Variants in GRXCR2 observed in about 807,000 individuals in gnomAD.
GRXCR2 encodes the protein glutaredoxin and cysteine rich domain containing 2.
A neutral mutation model predicts 24.8 loss-of-function variants in GRXCR2; 23 were observed. The observed-to-expected ratio is 0.93, with a 90% CI of 0.67 to 1.32. The LOEUF (loss-of-function observed/expected upper bound fraction) is 1.32. Ranked by LOEUF, GRXCR2 falls within the 40% of genes most tolerant of loss-of-function variation. The pLI is 0.00. For missense variants in GRXCR2, 315 were observed against 303.4 expected, an observed-to-expected ratio of 1.04 and a Z score of -0.28; for synonymous variants, 130 against 116.1, an observed-to-expected ratio of 1.12 and a Z score of -0.77.
intron 2 of GRXCR2, among the ~76,000 whole-genome samples, chr5:145,880,925 A>C (rs1245672542): frequency 3.3e-5 from 5 of 152,224 alleles, no homozygotes; most frequent in Non-Finnish European, 7.3e-5. Context: ...CCAATGACAA[A>C]AGATACATGA....
chr5:145,865,848 T>C (rs917694094), intron 2 of GRXCR2, among the ~76,000 whole-genome samples: 2 of 152,014 alleles, frequency 1.3e-5, no homozygotes, highest in African/African-American at 4.8e-5. Flanking sequence ...TAAGAAAAGA[T>C]AGGGCCAGGC....
intron 2 of GRXCR2, among the ~76,000 whole-genome samples, chr5:145,928,394 C>T (rs1282819806): frequency 1.3e-5 from 2 of 152,072 alleles, no homozygotes; most frequent in Non-Finnish European, 1.5e-5. Context: ...CCAGCAATCC[C>T]ATTACTGGGT....
chr5:145,876,204 TATATATATATATACAC>T (rs938616359), upstream of GRXCR2, among the ~76,000 whole-genome samples: 5 of 141,314 alleles, frequency 3.5e-5, no homozygotes, highest in African/African-American at 1.0e-4. Flanking sequence ...TATATATATA[TATATATATATATACAC>T]ACACACACAC....
At chr5:145,890,224 G>A (rs1756845076) in intron 2 of GRXCR2, among the ~76,000 whole-genome samples, 1 of 152,058 alleles carries the variant, frequency 6.6e-6, no homozygotes, top group African/African-American at 2.4e-5. Flanking sequence ...TGAATACCTG[G>A]GATTACAGGC....
chr5:145,873,943 G>C (rs1756572657), upstream of GRXCR2, among the ~76,000 whole-genome samples: 1 of 152,252 alleles, frequency 6.6e-6, no homozygotes, highest in African/African-American at 2.4e-5. Flanking sequence ...TGCTTAGAGA[G>C]CAAACTGCCC....
chr5:145,893,021 C>G (rs1301256161), intron 2 of GRXCR2, among the ~76,000 whole-genome samples: 2 of 152,138 alleles, frequency 1.3e-5, no homozygotes, highest in East Asian at 1.9e-4. Context: ...AATTTCATAT[C>G]CAGCCAAACT....
At chr5:145,905,650 T>A (rs1332164125) in intron 2 of GRXCR2, among the ~76,000 whole-genome samples, 1 of 152,148 alleles carries the variant, frequency 6.6e-6, no homozygotes, top group South Asian at 2.1e-4. Context: ...GAATAAATAA[T>A]TCCGAGTTGC....
chr5:145,904,525 T>A lies in GRXCR2; in HGVS notation c.-70+31176A>T, dbSNP rs945780536. ...CCTTCCTGCAGCCTGGACTTGGCTCTGGAGCCACCAGTTTTATTTGTCACA... is the reference window on the plus strand; with the variant it reads ...CCTTCCTGCAGCCTGGACTTGGCTCAGGAGCCACCAGTTTTATTTGTCACA... On this transcript the variant is annotated intron_variant, in intron 2 of 3. Coordinates refer to the GRXCR2 transcript ENST00000639411. Among the ~76,000 whole-genome samples the A allele has an allele frequency of 3.9e-5, 6 of 152,340 alleles. 1 individual carries two copies. Among genetic ancestry groups the A allele is most frequent in the African/African-American group, 1.4e-4 (6 of 41,588 alleles).
intron 2 of GRXCR2, among the ~76,000 whole-genome samples, chr5:145,923,085 C>T (rs1450375181): frequency 6.6e-6 from 1 of 152,260 alleles, no homozygotes; most frequent in Non-Finnish European, 1.5e-5. Flanking sequence ...TTTTAGAATG[C>T]ATCAGAATCA....
chr5:145,867,198 C>T (rs562262016), intron 1 of GRXCR2, among the ~76,000 whole-genome samples: 2 of 152,234 alleles, frequency 1.3e-5, no homozygotes, highest in Non-Finnish European at 2.9e-5. Context: ...CCAACATTGC[C>T]TCAGTTTCTC....
chr5:145,865,570 G>A (rs1280222380), intron 2 of GRXCR2, among the ~76,000 whole-genome samples: 2 of 152,126 alleles, frequency 1.3e-5, no homozygotes, highest in Non-Finnish European at 2.9e-5. Context: ...ATTAGGTCAG[G>A]CAGTCACTAG....
chr5:145,889,832 C>G (rs1190983694), intron 2 of GRXCR2, among the ~76,000 whole-genome samples: 1 of 152,098 alleles, frequency 6.6e-6, no homozygotes, highest in East Asian at 1.9e-4. Context: ...ACTTCCAAAG[C>G]AGTCCAGAAA....
chr5:145,889,579 C>A (rs1756832481), intron 2 of GRXCR2, among the ~76,000 whole-genome samples: 1 of 152,154 alleles, frequency 6.6e-6, no homozygotes, highest in Admixed American at 6.5e-5. Flanking sequence ...AAAAATCTAC[C>A]CATAGAAAAA....
intron 2 of GRXCR2, among the ~76,000 whole-genome samples, chr5:145,879,245 T>A (rs1320083471): frequency 1.3e-5 from 2 of 151,878 alleles, no homozygotes; most frequent in African/African-American, 2.4e-5. Flanking sequence ...AGACACAGAC[T>A]GGCAAATTGG....
At chr5:145,926,728 T>C (rs1416458767) in intron 2 of GRXCR2, among the ~76,000 whole-genome samples, 1 of 152,234 alleles carries the variant, frequency 6.6e-6, no homozygotes, top group Non-Finnish European at 1.5e-5. Flanking sequence ...TTTGGTTCCA[T>C]ATGAACTTCA....
intron 2 of GRXCR2, among the ~76,000 whole-genome samples, chr5:145,885,178 A>C (rs1209016748): frequency 1.3e-5 from 2 of 151,590 alleles, no homozygotes; most frequent in Non-Finnish European, 2.9e-5. Context: ...TTTTCTTTGA[A>C]ATACTGCTAC....
At chr5:145,894,856 C>T (rs575771712) in intron 2 of GRXCR2, among the ~76,000 whole-genome samples, 9 of 152,228 alleles carry the variant, frequency 5.9e-5, no homozygotes, top group Admixed American at 2.6e-4. Context: ...AGACCAATAT[C>T]CCTGATGAAC....
At chr5:145,875,570 GA>G (rs1218615644), upstream of GRXCR2, among the ~76,000 whole-genome samples, 1 of 151,926 alleles carries the variant, frequency 6.6e-6, no homozygotes, top group African/African-American at 2.4e-5. Flanking sequence ...AAAGAATAGT[GA>G]AGAGGTAGGA....
chr5:145,908,159 T>C (rs539992351), intron 2 of GRXCR2, among the ~76,000 whole-genome samples: 1 of 152,200 alleles, frequency 6.6e-6, no homozygotes, highest in Non-Finnish European at 1.5e-5. Flanking sequence ...TGAGATGAGA[T>C]GCACTGTCCT....
Sources: allele counts gnomAD v4.1 joint callset (sites outside exome capture counted in the v4.1 genomes callset), GRCh38; gene constraint gnomAD v4.1.1; transcripts MANE v1.5; gene names NCBI Gene and HGNC (gene_info 2026-07-23, HGNC 2026-07-21).